The following SAR1A variants were observed in gnomAD, a reference collection of about 807,000 sequenced individuals.
SAR1A encodes small COPII coat GTPase SAR1A.
SAR1A carries 6 observed loss-of-function variants against 22.6 expected under a neutral mutation model. The ratio of observed to expected loss-of-function variants is 0.27; its 90% CI spans 0.15 to 0.52. The LOEUF (loss-of-function observed/expected upper bound fraction) is 0.52. SAR1A is among the 20% of genes least tolerant of loss of function. The pLI, the probability that SAR1A is intolerant of heterozygous loss-of-function variation, is 0.96. For missense variants in SAR1A, 145 were observed against 245.1 expected, an observed-to-expected ratio of 0.59 and a Z score of 2.73; for synonymous variants, 70 against 82.2, an observed-to-expected ratio of 0.85 and a Z score of 0.80.
In SAR1A at chr10:70,148,242, A is replaced by T. The variant is rs1361656780; in HGVS notation, c.*4234T>A. ...ATACAATTGCTACTTAAATTCTCTA[A>T]TCTTTCTGCCTGAATTCTTTAAATA... is the stretch of plus-strand genomic sequence containing the variant. On this transcript the variant is annotated 3_prime_UTR_variant, in exon 7 of 7. Coordinates refer to ENST00000373241, the MANE Select transcript of SAR1A (RefSeq NM_020150.5). The T allele has an allele frequency of 6.6e-6, 1 of 152,216 alleles. No homozygotes were observed. Among genetic ancestry groups the T allele is most frequent in the Non-Finnish European group, 1.5e-5 (1 of 68,048 alleles). 9.4% of individuals were successfully genotyped at this position (152,216 alleles called of 1,614,324 possible).
rs1453320519 is a variant in SAR1A, at chr10:70,152,404, A to G, written c.*72T>C. ...GGAGAGCTTTCCTTGTTCTATTAGA[A>G]AAGTTCATGAGGAAGCTGTGAATAG... is the stretch of plus-strand genomic sequence containing the variant. On this transcript the variant is annotated 3_prime_UTR_variant, in exon 7 of 7. Coordinates refer to ENST00000373241, the MANE Select transcript of SAR1A (RefSeq NM_020150.5). The G allele has an allele frequency of 8.2e-7, 1 of 1,224,110 alleles. No homozygotes were observed. Among genetic ancestry groups the G allele is most frequent in the Non-Finnish European group, 1.2e-6 (1 of 827,576 alleles). The allele number at this position is 1,224,110 out of a possible 1,614,324, so 75.8% of individuals were successfully genotyped here.
intron 6 of SAR1A, 38 bp from the exon 7 acceptor site, chr10:70,152,630 T>G: frequency 7.6e-7 from 1 of 1,315,168 alleles, no homozygotes. Context: ...TGTTAGCATC[T>G]CTGTGGTGGA....
intron 5 of SAR1A, among the ~76,000 whole-genome samples, chr10:70,157,239 C>T (rs1839401198): frequency 6.6e-6 from 1 of 151,920 alleles, no homozygotes; most frequent in East Asian, 1.9e-4. Context: ...TCCGTCGCTA[C>T]TAAAAATACA....
intron 6 of SAR1A, among the ~76,000 whole-genome samples, chr10:70,153,496 C>T (rs1839352521): frequency 6.6e-6 from 1 of 152,086 alleles, no homozygotes; most frequent in Admixed American, 6.6e-5. Context: ...TCTTCATAAC[C>T]TGCAAACTCC....
At chr10:70,166,385 TTAGATGCACTA>T (rs1839550651) in intron 1 of SAR1A, among the ~76,000 whole-genome samples, 1 of 152,238 alleles carries the variant, frequency 6.6e-6, no homozygotes, top group Non-Finnish European at 1.5e-5. Flanking sequence ...AGAATGCCAC[TTAGATGCACTA>T]AATAGAAAAT....
Position 70,161,151 on chromosome 10 carries a change from C to T in SAR1A, c.179-82G>A, listed in dbSNP as rs550120026. The T allele has an allele frequency of 9.2e-6, 9 of 977,816 alleles. No homozygotes were observed. The Admixed American group carries it at 1.3e-4, about 14-fold the overall frequency. The allele number at this position is 977,816 out of a possible 1,614,324, so 60.6% of individuals were successfully genotyped here. A position where few individuals can be genotyped will look rare whatever the true frequency, so the allele number is the denominator to read the frequency against. On this transcript the variant is annotated intron_variant, in intron 3 of 6. Coordinates refer to ENST00000373241, the MANE Select transcript of SAR1A (RefSeq NM_020150.5). The stretch of plus-strand genomic sequence containing the variant: ...CTAGTACTATAAGCCAATATCAATG[C>T]TTTCATCTTGTAAAGAAAAAGATAC...
chr10:70,157,098 T>C (rs1839398500), intron 5 of SAR1A, among the ~76,000 whole-genome samples: 1 of 152,096 alleles, frequency 6.6e-6, no homozygotes, highest in Non-Finnish European at 1.5e-5. Flanking sequence ...ATGCCAACAC[T>C]ACTTATAAAG....
At chr10:70,158,662 T>G (rs1320080580) in intron 4 of SAR1A, among the ~76,000 whole-genome samples, 1 of 151,370 alleles carries the variant, frequency 6.6e-6, no homozygotes, top group Non-Finnish European at 1.5e-5. Flanking sequence ...GAAAAAGAGG[T>G]TGAAGGAACT....
intron 1 of SAR1A, among the ~76,000 whole-genome samples, chr10:70,168,147 T>C (rs56994877): frequency 2.0e-5 from 3 of 152,292 alleles, no homozygotes; most frequent in African/African-American, 7.2e-5. Flanking sequence ...AGCATCCAAG[T>C]AGCTAAATCC....
intron 1 of SAR1A, chr10:70,162,563 T>A (rs2136718129): frequency 6.6e-6 from 1 of 151,280 alleles, no homozygotes; most frequent in African/African-American, 2.4e-5. Context: ...TAATATTCTT[T>A]CTTGACACAG....
At chr10:70,165,248 G>C (rs1417844757) in intron 1 of SAR1A, among the ~76,000 whole-genome samples, 2 of 123,336 alleles carry the variant, frequency 1.6e-5, no homozygotes, top group Admixed American at 1.1e-4. Context: ...CTGGGCGACA[G>C]AGCGAGACTC....
intron 1 of SAR1A, among the ~76,000 whole-genome samples, chr10:70,169,196 C>CT (rs1372912797): frequency 1.3e-5 from 2 of 152,082 alleles, no homozygotes; most frequent in Non-Finnish European, 2.9e-5. Context: ...ACCCTCATCT[C>CT]TAACACCAAA....
intron 1 of SAR1A, among the ~76,000 whole-genome samples, chr10:70,168,360 C>G (rs553874213): frequency 6.6e-6 from 1 of 152,036 alleles, no homozygotes; most frequent in African/African-American, 2.4e-5. Context: ...TTTGGGAGGC[C>G]GAGGCAAGTG....
intron 5 of SAR1A, among the ~76,000 whole-genome samples, chr10:70,157,341 T>C (rs935349105): frequency 1.4e-5 from 2 of 147,810 alleles, no homozygotes; most frequent in African/African-American, 2.5e-5. Context: ...GAGGTGGAGG[T>C]TGCAGTAAGC....
intron 5 of SAR1A, among the ~76,000 whole-genome samples, chr10:70,157,303 C>G (rs923921081): frequency 1.3e-5 from 2 of 151,114 alleles, no homozygotes; most frequent in African/African-American, 4.9e-5. Flanking sequence ...ACTCGGGAGG[C>G]TGAAGCAGAA....
intron 1 of SAR1A, among the ~76,000 whole-genome samples, chr10:70,165,873 A>C (rs752566420): frequency 2.0e-5 from 3 of 152,232 alleles, no homozygotes; most frequent in Non-Finnish European, 2.9e-5. Flanking sequence ...ACAAGCATTA[A>C]CTGATGCAAC....
At chr10:70,163,130 A>C (rs1564571200) in intron 1 of SAR1A, 2 of 152,484 alleles carry the variant, frequency 1.3e-5, no homozygotes, top group Non-Finnish European at 2.9e-5. Context: ...TGCACTCAAC[A>C]GTTACCCAAA....
rs1486092655 is a variant in SAR1A, at chr10:70,151,368, T to A, written c.*1108A>T. On this transcript the variant is annotated 3_prime_UTR_variant, in exon 7 of 7. Coordinates refer to ENST00000373241, the MANE Select transcript of SAR1A (RefSeq NM_020150.5). Reference sequence around the variant, plus strand: ...GGAGAAAAAATGTAAAAAAAAGAGCTCCCAAACAGCCTGAGAGACCAAATT... The same window carrying A: ...GGAGAAAAAATGTAAAAAAAAGAGCACCCAAACAGCCTGAGAGACCAAATT... 7.0e-6 allele frequency: 1 copy of A among 142,844 alleles called. No homozygotes were observed. Among genetic ancestry groups the A allele is most frequent in the Non-Finnish European group, 1.5e-5 (1 of 65,776 alleles). The allele number at this position is 142,844 out of a possible 1,614,324, so 8.8% of individuals were successfully genotyped here. A position where few individuals can be genotyped will look rare whatever the true frequency, so the allele number is the denominator to read the frequency against.
chr10:70,153,373 G>C (rs1013031057), intron 6 of SAR1A, among the ~76,000 whole-genome samples: 1 of 152,124 alleles, frequency 6.6e-6, no homozygotes, highest in Admixed American at 6.5e-5. Flanking sequence ...ATCACTCTCT[G>C]TTTCTTCCTC....
Sources: allele counts gnomAD v4.1 joint callset (sites outside exome capture counted in the v4.1 genomes callset), GRCh38; gene constraint gnomAD v4.1.1; transcripts MANE v1.5; gene names NCBI Gene and HGNC (gene_info 2026-07-23, HGNC 2026-07-21).